Variants in PIP5K1B observed in about 807,000 individuals in gnomAD.
PIP5K1B encodes the protein phosphatidylinositol-4-phosphate 5-kinase type 1 beta, also known as phosphatidylinositol 4-phosphate 5-kinase type-1 beta.
Under a neutral mutation model 67.0 loss-of-function variants are expected in PIP5K1B, and 42 were observed. The ratio of observed to expected loss-of-function variants is 0.63; its 90% CI spans 0.49 to 0.81. The LOEUF is 0.81. Among genes scored for constraint, PIP5K1B ranks in the 30% least tolerant of loss-of-function variants. The pLI is 0.00. For synonymous variants in PIP5K1B, 214 were observed against 231.4 expected (o/e 0.92, Z 0.68); for missense variants, 459 against 646.3 (o/e 0.71, Z 3.14).
chr9:68,887,969 G>T (rs958191643), intron 6 of PIP5K1B, among the ~76,000 whole-genome samples: 1 of 144,866 alleles, frequency 6.9e-6, no homozygotes, highest in East Asian at 2.0e-4. Flanking sequence ...AGTGGAGACT[G>T]GAATCCAGCC....
chr9:68,874,050 C>CAG (rs1422767557), intron 5 of PIP5K1B, among the ~76,000 whole-genome samples: 2 of 152,214 alleles, frequency 1.3e-5, no homozygotes, highest in African/African-American at 4.8e-5. Context: ...CACGCAAATA[C>CAG]AGAGGTTCAA....
chr9:68,928,845 C>T (rs1441536979), intron 12 of PIP5K1B, among the ~76,000 whole-genome samples: 2 of 152,092 alleles, frequency 1.3e-5, no homozygotes, highest in Non-Finnish European at 2.9e-5. Context: ...ATAGGTTTTA[C>T]TTACTTAATG....
Sources: allele counts gnomAD v4.1 joint callset (sites outside exome capture counted in the v4.1 genomes callset), GRCh38; gene constraint gnomAD v4.1.1; transcripts MANE v1.5; gene names NCBI Gene and HGNC (gene_info 2026-07-23, HGNC 2026-07-21).